The following COX17 variants were observed in gnomAD, a reference collection of about 807,000 sequenced individuals.
COX17 encodes the protein cytochrome c oxidase copper chaperone COX17.
COX17 carries 1 observed loss-of-function variant against 6.3 expected under a neutral mutation model. That is an observed-to-expected ratio of 0.16 (90% confidence interval 0.06 to 0.75). The LOEUF is 0.75. COX17 is among the 30% of genes least tolerant of loss of function. The probability of loss-of-function intolerance (pLI) is 0.77; values close to 1 mark genes in which losing one functional copy is unlikely to be tolerated. For synonymous variants in COX17, 26 were observed against 30.5 expected (o/e 0.85, Z 0.49); for missense variants, 73 against 81.2 (o/e 0.90, Z 0.39).
intron 1 of COX17, among the ~76,000 whole-genome samples, chr3:119,675,956 T>C (rs972707005): frequency 2.0e-5 from 3 of 152,230 alleles, no homozygotes; most frequent in Non-Finnish European, 4.4e-5. Context: ...CATCCTTCAA[T>C]AGCTCAAGAG....
At chr3:119,669,819 A>G (rs3772134) in intron 2 of COX17, among the ~76,000 whole-genome samples, 154 bp from the exon 3 acceptor site, 54,486 of 151,992 alleles carry the variant, frequency 0.36, 10,482 homozygotes, top group East Asian at 0.66. Context: ...TTCAAAATCA[A>G]CATTTTAAAA....
intron 2 of COX17, among the ~76,000 whole-genome samples, chr3:119,671,383 A>G (rs2053042382): frequency 6.6e-6 from 1 of 152,202 alleles, no homozygotes; most frequent in African/African-American, 2.4e-5. Flanking sequence ...TACAATTAAG[A>G]TCTACTTAGG....
intron 2 of COX17, among the ~76,000 whole-genome samples, chr3:119,671,054 A>C (rs1030323425): frequency 2.6e-5 from 4 of 152,170 alleles, no homozygotes; most frequent in African/African-American, 9.7e-5. Context: ...AATCACCACC[A>C]TACCTATTTT....
rs1479795130 is a variant in COX17 at position 119,675,196 on chromosome 3, T to C, written c.145A>G (p.Ile49Val). The C allele has an allele frequency of 1.2e-6, 2 of 1,613,356 alleles. No homozygotes were observed. The highest frequency in any genetic ancestry group is 2.7e-5 in the African/African-American group (2 of 74,920). Residue 49 changes from isoleucine to valine, a missense_variant, in exon 2 of 3, where the codon ATT becomes GTT. Transcript: ENST00000261070. ...CTCATGCATTCCTTGTGGGCCTCAATTAGATGTCCACAGTGTTCTTCTCCT... is the reference window on the plus strand; with the variant it reads ...CTCATGCATTCCTTGTGGGCCTCAACTAGATGTCCACAGTGTTCTTCTCCT... ...EKGEEHCGHL[I>V]EAHKECMRAL...
chr3:119,666,839 T>A (rs934825587), downstream of COX17: 1 of 152,190 alleles, frequency 6.6e-6, no homozygotes, highest in Non-Finnish European at 1.5e-5. Flanking sequence ...TAAGTATGCA[T>A]TAAGTGAATT....
downstream of COX17, among the ~76,000 whole-genome samples, chr3:119,667,559 C>T (rs190451134): frequency 3.4e-3 from 522 of 152,076 alleles, 3 homozygotes; most frequent in African/African-American, 0.012. Context: ...GCCTTGAAAA[C>T]ACGCATGGCC....
intron 2 of COX17, chr3:119,674,356 A>T (rs1256523539): frequency 1.3e-5 from 2 of 152,118 alleles, no homozygotes; most frequent in African/African-American, 2.4e-5. Flanking sequence ...GTCTTCCCCA[A>T]GTTTGCATTT....
chr3:119,672,236 C>T (rs1285652167), intron 2 of COX17, among the ~76,000 whole-genome samples: 1 of 152,196 alleles, frequency 6.6e-6, no homozygotes, highest in Non-Finnish European at 1.5e-5. Flanking sequence ...CAAGACCACA[C>T]AATCAGTTAA....
chr3:119,671,043 A>C (rs2107833152), intron 2 of COX17, among the ~76,000 whole-genome samples: 1 of 152,222 alleles, frequency 6.6e-6, no homozygotes, highest in East Asian at 1.9e-4. Context: ...AAATTGTCTA[A>C]AATCACCACC....
intron 2 of COX17, among the ~76,000 whole-genome samples, chr3:119,673,712 G>A (rs1381504845): frequency 6.6e-6 from 1 of 152,208 alleles, no homozygotes; most frequent in African/African-American, 2.4e-5. Flanking sequence ...GGGTGAGGGG[G>A]TGAGCTAAGT....
chr3:119,673,312 A>T (rs75884779), intron 2 of COX17, among the ~76,000 whole-genome samples: 2,798 of 152,332 alleles, frequency 0.018, 79 homozygotes, highest in African/African-American at 0.06. Context: ...TGGGGATATG[A>T]CAGTAAATGA....
At chr3:119,675,942 T>A (rs1367422170) in intron 1 of COX17, among the ~76,000 whole-genome samples, 2 of 152,226 alleles carry the variant, frequency 1.3e-5, no homozygotes, top group East Asian at 3.8e-4. Context: ...ATGGAAACTC[T>A]ACCCATCCTT....
rs1252117910 is a variant in COX17 at position 119,677,391 on chromosome 3, T to C, written c.-81A>G. The stretch of plus-strand genomic sequence containing the variant: ...CAAACGCCGATTCGTCCGCAGTCAC[T>C]TCCGGCAGTCGCTCTAAAAAGTACA... On this transcript the variant is annotated 5_prime_UTR_variant, in exon 1 of 3. Coordinates refer to ENST00000261070, the MANE Select transcript of COX17 (RefSeq NM_005694.2). The C allele has an allele frequency of 9.1e-7, 1 of 1,100,054 alleles. No individual in the cohort carries two copies. The highest frequency in any genetic ancestry group is 1.4e-6 in the Non-Finnish European group (1 of 734,190). 68.1% of individuals were successfully genotyped at this position (1,100,054 alleles called of 1,614,324 possible).
At chr3:119,668,797 T>C (rs1030078556), downstream of COX17, among the ~76,000 whole-genome samples, 5 of 152,040 alleles carry the variant, frequency 3.3e-5, no homozygotes, top group Admixed American at 3.3e-4. Flanking sequence ...TCTTGAGATT[T>C]TAGACTCAAT....
At chr3:119,675,121 A>G in intron 2 of COX17, 24 bp downstream of exon 2, 2 of 1,527,626 alleles carry the variant, frequency 1.3e-6, no homozygotes, top group Non-Finnish European at 9.1e-7. Flanking sequence ...AAAGCAATAC[A>G]CAACTTTGAA....
downstream of COX17, chr3:119,667,074 G>A (rs2052999248): frequency 1.3e-5 from 2 of 152,120 alleles, no homozygotes; most frequent in South Asian, 4.1e-4. Context: ...CCTTACTTAA[G>A]GATATGATCC....
rs758599418 is a variant in COX17 at position 119,677,289 on chromosome 3, T to C, written c.22A>G (p.Asn8Asp). 1.2e-6 allele frequency: 2 copies of C among 1,611,868 alleles called. No homozygotes were observed. Reference protein sequence around the residue: MPGLVDSNPAPPESQEKK... With the variant: MPGLVDSDPAPPESQEKK... ...TCCTGAGACTCAGGCGGGGCAGGGTTTGAGTCAACCAGACCCGGCATCTTT... is the reference window on the plus strand; with the variant it reads ...TCCTGAGACTCAGGCGGGGCAGGGTCTGAGTCAACCAGACCCGGCATCTTT... Residue 8 changes from asparagine to aspartate, a missense_variant, in exon 1 of 3, where the codon AAC becomes GAC. By Grantham distance (23) the Asn-to-Asp change is conservative. Transcript: ENST00000261070.
downstream of COX17, among the ~76,000 whole-genome samples, chr3:119,667,503 G>T (rs1275119387): frequency 6.6e-6 from 1 of 152,118 alleles, no homozygotes; most frequent in African/African-American, 2.4e-5. Context: ...AGGTGTAAAT[G>T]GATATATTTT....
At chr3:119,671,416 G>A (rs758013385) in intron 2 of COX17, among the ~76,000 whole-genome samples, 1 of 152,146 alleles carries the variant, frequency 6.6e-6, no homozygotes, top group Non-Finnish European at 1.5e-5. Flanking sequence ...ATCTACAAAG[G>A]TTTTTGAATT....
Sources: gnomAD v4.1 joint callset for allele counts (sites outside exome capture counted in the v4.1 genomes callset) on GRCh38, gnomAD v4.1.1 for gene constraint, MANE v1.5 for transcripts, NCBI Gene and HGNC (gene_info 2026-07-23, HGNC 2026-07-21) for gene names.